The following CELSR1 variants were observed in gnomAD, a reference collection of about 807,000 sequenced individuals.
CELSR1 encodes the protein cadherin EGF LAG seven-pass G-type receptor 1.
CELSR1 carries 110 observed loss-of-function variants against 249.1 expected under a neutral mutation model. That is an observed-to-expected ratio of 0.44 (90% CI 0.38 to 0.52). The LOEUF is 0.52. Among genes scored for constraint, CELSR1 ranks in the 20% least tolerant of loss-of-function variants. The probability of loss-of-function intolerance (pLI) is 0.00; values close to 1 mark genes in which losing one functional copy is unlikely to be tolerated. For missense variants in CELSR1, 4,109 were observed against 4,296.4 expected (o/e 0.96, Z 1.22); for synonymous variants, 2,113 against 1,900.0 (o/e 1.11, Z -2.92).
Position 46,369,817 on chromosome 22 carries a change from G to A in CELSR1, c.7760-13C>T. 1 of 1,610,894 alleles carries A rather than the reference G, an allele frequency of 6.2e-7. No homozygotes were observed. On this transcript the variant is annotated splice_polypyrimidine_tract_variant and intron_variant, in intron 25 of 34. Coordinates refer to ENST00000674500, the MANE Select transcript of CELSR1 (RefSeq NM_001378328.1). ...CCGACCGCCAGTCCTGAACACAGCGGGGAGGAAGGGAAGGGTGAGGGCCAC... is the reference window on the plus strand; with the variant it reads ...CCGACCGCCAGTCCTGAACACAGCGAGGAGGAAGGGAAGGGTGAGGGCCAC...
At position 46,429,994 on chromosome 22, in the gene CELSR1, C is replaced by A. The variant is rs1027737826; in HGVS notation, c.4611+3399G>T. Among the ~76,000 whole-genome samples, 7 of 152,214 alleles carry A rather than the reference C, an allele frequency of 4.6e-5. No individual in the cohort carries two copies. Among genetic ancestry groups the A allele is most frequent in the African/African-American group, 1.7e-4 (7 of 41,450 alleles). On this transcript the variant is annotated intron_variant, in intron 5 of 34. Transcript: ENST00000674500. This position sits in a 1 kb window ranked among gnomAD's most constrained non-coding sequence, Gnocchi z 4.1. ...GCACCCCATCTGCTTCCTGTGGGGA[C>A]CCTGACTGCTCCACCAGCCTGGCAG...
In CELSR1 at chr22:46,483,422, C is replaced by A. The variant is rs1393203928; in HGVS notation, c.3545-19077G>T. ...TTTTTTTTTTTTTGAGACAGCGTCT[C>A]GCTCTGTCACCCAGGCTGGAGTGCA... On this transcript the variant is annotated intron_variant, in intron 1 of 34. Coordinates refer to ENST00000674500, the MANE Select transcript of CELSR1 (RefSeq NM_001378328.1). Among the ~76,000 whole-genome samples, 31 of 124,086 alleles carry A rather than the reference C, an allele frequency of 2.5e-4. 1 individual carries two copies. The highest frequency in any genetic ancestry group is 1.1e-4 in the Non-Finnish European group (7 of 63,150). 81.4% of individuals were successfully genotyped at this position (124,086 alleles called of 152,430 possible).
In CELSR1 at chr22:46,418,438, T is replaced by C. The variant is rs180815284; in HGVS notation, c.4612-6679A>G. Among the ~76,000 whole-genome samples the C allele has an allele frequency of 4.5e-3, 686 of 152,234 alleles. 5 individuals are homozygous for C. The highest frequency in any genetic ancestry group is 0.016 in the African/African-American group (651 of 41,508). On this transcript the variant is annotated intron_variant, in intron 5 of 34. Transcript: ENST00000674500. ...AGACGGAGGTTGCAGTGGGCCGAGA[T>C]TGTACAACTACACTCCAGCCTGGGC... is the stretch of plus-strand genomic sequence containing the variant.
intron 29 of CELSR1, 65 bp from the exon 30 acceptor site, chr22:46,366,545 G>A: frequency 7.7e-6 from 10 of 1,297,454 alleles, no homozygotes; most frequent in Non-Finnish European, 9.8e-6. Flanking sequence ...CACGGGGAAT[G>A]ACTCTGTCCC....
intron 19 of CELSR1, among the ~76,000 whole-genome samples, chr22:46,385,779 G>A (rs1054571764): frequency 8.7e-5 from 13 of 149,946 alleles, no homozygotes; most frequent in African/African-American, 2.5e-4. Flanking sequence ...CCGGGTTCAC[G>A]CCATTCTCCT....
At chr22:46,483,548 T>G (rs1301615085) in intron 1 of CELSR1, among the ~76,000 whole-genome samples, 3 of 152,138 alleles carry the variant, frequency 2.0e-5, no homozygotes, top group Non-Finnish European at 4.4e-5. Context: ...AACCTCTATG[T>G]GCTTTGGTTT....
chr22:46,382,188 A>G, intron 20 of CELSR1, 138 bp from the exon 21 acceptor site: 1 of 777,452 alleles, frequency 1.3e-6, no homozygotes, highest in South Asian at 1.9e-5. Context: ...AAAAAATCAA[A>G]AACAGGACTT....
At position 46,392,314 on chromosome 22, in the gene CELSR1, C is replaced by T. The variant is rs551978595; in HGVS notation, c.5965-498G>A. 7.7e-4 allele frequency among the ~76,000 whole-genome samples: 117 copies of T among 152,262 alleles called. 1 individual carries two copies. In the South Asian group the frequency reaches 0.023, roughly 29 times the overall value. ...TTGCCTGGGCTGGTCACCGGGACTC[C>T]CCAGGCCCAAGTAGCACCCCCTCAA... On this transcript the variant is annotated intron_variant, in intron 14 of 34. Transcript: ENST00000674500.
chr22:46,530,072 G>C lies in CELSR1; in HGVS notation c.3544+3555C>G, dbSNP rs190757839. On this transcript the variant is annotated intron_variant, in intron 1 of 34. Transcript: ENST00000674500. Reference sequence around the variant, plus strand: ...TGCCTATAATTTCAGCACTTTGGGAGGCCAAGGCAGATGGATCACTTGAGC... The same window carrying C: ...TGCCTATAATTTCAGCACTTTGGGACGCCAAGGCAGATGGATCACTTGAGC... Among the ~76,000 whole-genome samples the C allele has an allele frequency of 3.9e-4, 60 of 152,004 alleles. 1 individual carries two copies. The highest frequency in any genetic ancestry group is 1.4e-3 in the African/African-American group (58 of 41,450).
Position 46,433,035 on chromosome 22 carries a change from C to CT in CELSR1, c.4611+357dup, listed in dbSNP as rs992403136. 8.0e-3 allele frequency among the ~76,000 whole-genome samples: 1,181 copies of CT among 148,072 alleles called. 19 individuals are homozygous for CT. Among genetic ancestry groups the CT allele is most frequent in the African/African-American group, 0.027 (1,110 of 40,448 alleles). On this transcript the variant is annotated intron_variant, in intron 5 of 34. Coordinates refer to ENST00000674500, the MANE Select transcript of CELSR1 (RefSeq NM_001378328.1). This position sits in a 1 kb window ranked among gnomAD's most constrained non-coding sequence, Gnocchi z 5.7. ...TCTACCAGGGCACCTTTTTTCCTTC[C>CT]TTTTTTTTTTAGATGGAATTTCGCT...
Position 46,464,096 on chromosome 22 carries a change from AGC to A in CELSR1, c.3792_3793del (p.Leu1265AlafsTer134). On this transcript the variant is annotated frameshift_variant, in exon 2 of 35. Coordinates refer to ENST00000674500, the MANE Select transcript of CELSR1 (RefSeq NM_001378328.1). LOFTEE classifies it high-confidence loss of function. The surrounding 1 kb of genome is among the most constrained non-coding windows in gnomAD (Gnocchi z 8.5). ...CTGGCCGCGGACGCCGCCAGGCAGC[AGC>A]GCCGAGAAGGTCACGTTCAGGATGT... 1.2e-6 allele frequency: 2 copies of A among 1,613,838 alleles called. No individual in the cohort carries two copies. The highest frequency in any genetic ancestry group is 1.7e-6 in the Non-Finnish European group (2 of 1,180,040).
chr22:46,524,815 G>A (rs532879091), intron 1 of CELSR1, among the ~76,000 whole-genome samples: 9 of 152,240 alleles, frequency 5.9e-5, no homozygotes, highest in South Asian at 2.1e-4. Context: ...TCACCAGGGC[G>A]AGTCCCTCAG....
Position 46,390,618 on chromosome 22 carries a change from G to A in CELSR1, c.6251-132C>T, listed in dbSNP as rs1007601470. On this transcript the variant is annotated intron_variant, in intron 16 of 34. Coordinates refer to ENST00000674500, the MANE Select transcript of CELSR1 (RefSeq NM_001378328.1). The surrounding 1 kb of genome is among the most constrained non-coding windows in gnomAD (Gnocchi z 6.3). Reference sequence around the variant, plus strand: ...GTGGTTAGAACCCCATGGGGGCCAGGAGGTCGACACCAGCGCCCCTCTTTC... The same window carrying A: ...GTGGTTAGAACCCCATGGGGGCCAGAAGGTCGACACCAGCGCCCCTCTTTC... 4.4e-6 allele frequency: 3 copies of A among 678,758 alleles called. No individual in the cohort carries two copies. Among genetic ancestry groups the A allele is most frequent in the Admixed American group, 2.7e-5 (1 of 37,308 alleles). The allele number at this position is 678,758 out of a possible 1,614,324, so 42.0% of individuals were successfully genotyped here.
At chr22:46,420,790 C>A (rs1481920927) in intron 5 of CELSR1, among the ~76,000 whole-genome samples, 6 of 152,198 alleles carry the variant, frequency 3.9e-5, no homozygotes, top group African/African-American at 1.4e-4. Context: ...TCTGACCAGC[C>A]TCCCTCCCTC....
rs1302710217 is a variant in CELSR1 at position 46,433,371 on chromosome 22, G to A, written c.4611+22C>T. On this transcript the variant is annotated intron_variant, in intron 5 of 34. Coordinates refer to ENST00000674500, the MANE Select transcript of CELSR1 (RefSeq NM_001378328.1). This position sits in a 1 kb window ranked among gnomAD's most constrained non-coding sequence, Gnocchi z 5.7. ...TCTCGAGCCGCCCTGGGGCCAGGGG[G>A]AAGTGGTGGGGCCCATCTTACCTTG... 12 of 1,600,984 alleles carry A rather than the reference G, an allele frequency of 7.5e-6. No individual in the cohort carries two copies. Among genetic ancestry groups the A allele is most frequent in the African/African-American group, 2.7e-5 (2 of 74,642 alleles).
rs186482716 is a variant in CELSR1 at position 46,393,076 on chromosome 22, G to A, written c.5964+1066C>T. 4.3e-4 allele frequency among the ~76,000 whole-genome samples: 66 copies of A among 152,236 alleles called. No individual in the cohort carries two copies. The highest frequency in any genetic ancestry group is 7.6e-4 in the Non-Finnish European group (52 of 67,998). ...TGGGGGGGGACACTACTGACATCAC[G>A]AGATGGCATCCAAGGGTGCCCTGGT... is the stretch of plus-strand genomic sequence containing the variant. On this transcript the variant is annotated intron_variant, in intron 14 of 34. Coordinates refer to ENST00000674500, the MANE Select transcript of CELSR1 (RefSeq NM_001378328.1). This position sits in a 1 kb window ranked among gnomAD's most constrained non-coding sequence, Gnocchi z 4.1.
intron 1 of CELSR1, among the ~76,000 whole-genome samples, chr22:46,513,710 C>G (rs965455107): frequency 6.6e-6 from 1 of 152,188 alleles, no homozygotes; most frequent in Non-Finnish European, 1.5e-5. Flanking sequence ...CAACACTCAC[C>G]TGCGCAGAGA....
At chr22:46,368,324 A>G (rs2078810711) in intron 27 of CELSR1, among the ~76,000 whole-genome samples, 1 of 152,016 alleles carries the variant, frequency 6.6e-6, no homozygotes, top group Non-Finnish European at 1.5e-5. Context: ...GAGGGGATGG[A>G]GTGAATCCGG....
chr22:46,451,686 G>A (rs1168060847), intron 2 of CELSR1, among the ~76,000 whole-genome samples: 1 of 152,186 alleles, frequency 6.6e-6, no homozygotes, highest in African/African-American at 2.4e-5. Flanking sequence ...CGACGATGGA[G>A]GAGAGACTAG....
Sources: gnomAD v4.1 joint callset for allele counts (sites outside exome capture counted in the v4.1 genomes callset) on GRCh38, gnomAD v4.1.1 for gene constraint, Gnocchi (gnomAD v3.1) non-coding constraint, MANE v1.5 for transcripts, NCBI Gene and HGNC (gene_info 2026-07-23, HGNC 2026-07-21) for gene names.